COX10: variants seen among roughly 807,000 people sequenced by gnomAD.
COX10 encodes the protein cytochrome c oxidase assembly factor heme A:farnesyltransferase COX10, also known as protoheme IX farnesyltransferase, mitochondrial.
A neutral mutation model predicts 37.3 loss-of-function variants in COX10; 27 were observed. The ratio of observed to expected loss-of-function variants is 0.72; its 90% CI spans 0.53 to 1.00. COX10 has a LOEUF of 1.00. Among genes scored for constraint, COX10 ranks in the 50% least tolerant of loss-of-function variants. COX10 has a pLI of 0.00. For missense variants in COX10, 475 were observed against 563.2 expected (o/e 0.84, Z 1.59); for synonymous variants, 222 against 229.1 (o/e 0.97, Z 0.28).
chr17:14,138,866 G>T (rs144739484), intron 4 of COX10, among the ~76,000 whole-genome samples: 4 of 152,234 alleles, frequency 2.6e-5, no homozygotes, highest in East Asian at 3.9e-4. Context: ...TGTGCTGTGT[G>T]GGGTATTCGG....
intron 3 of COX10, among the ~76,000 whole-genome samples, chr17:14,081,238 A>G (rs1915286624): frequency 6.6e-6 from 1 of 152,220 alleles, no homozygotes; most frequent in Non-Finnish European, 1.5e-5. Flanking sequence ...AGCACAGACT[A>G]GTGAGAGCCA....
intron 5 of COX10, among the ~76,000 whole-genome samples, chr17:14,168,301 C>G (rs1420300433): frequency 1.3e-5 from 2 of 152,254 alleles, no homozygotes; most frequent in African/African-American, 4.8e-5. Flanking sequence ...GCTCCTGTGG[C>G]TCTGCAGGGT....
chr17:14,204,160 A>G (rs1224275527), intron 6 of COX10, among the ~76,000 whole-genome samples: 7 of 152,060 alleles, frequency 4.6e-5, no homozygotes, highest in South Asian at 2.1e-4. Context: ...AAGTGAACAT[A>G]CCCTAAGAAG....
At chr17:14,118,600 TAG>T (rs1433761830) in intron 4 of COX10, among the ~76,000 whole-genome samples, 2 of 152,164 alleles carry the variant, frequency 1.3e-5, no homozygotes, top group African/African-American at 4.8e-5. Flanking sequence ...TGGCTAACAT[TAG>T]ACAATGTTAA....
intron 5 of COX10, among the ~76,000 whole-genome samples, chr17:14,178,387 C>CT (rs1905751152): frequency 9.2e-6 from 1 of 108,222 alleles, no homozygotes; most frequent in Admixed American, 9.4e-5. Flanking sequence ...TTATGGTCTT[C>CT]CGTGCTGTAA....
intron 4 of COX10, among the ~76,000 whole-genome samples, chr17:14,103,006 A>C (rs895048990): frequency 2.0e-5 from 3 of 152,224 alleles, no homozygotes; most frequent in African/African-American, 7.2e-5. Flanking sequence ...CTAGTGTGCA[A>C]AATACGTGAA....
chr17:14,138,583 G>A (rs559994535), intron 4 of COX10, among the ~76,000 whole-genome samples: 1 of 152,188 alleles, frequency 6.6e-6, no homozygotes, highest in South Asian at 2.1e-4. Context: ...AGTAAACATA[G>A]ATTTCTGTGA....
At chr17:14,170,438 GTTAC>G (rs34050270) in intron 5 of COX10, among the ~76,000 whole-genome samples, 87,604 of 151,566 alleles carry the variant, frequency 0.58, 25,716 homozygotes, top group Non-Finnish European at 0.62. Flanking sequence ...GATGAAAAAT[GTTAC>G]TTAACTGACT....
intron 4 of COX10, among the ~76,000 whole-genome samples, chr17:14,109,462 G>A (rs532333567): frequency 1.1e-4 from 16 of 152,160 alleles, no homozygotes; most frequent in South Asian, 8.3e-4. Context: ...ATGATAATTC[G>A]AACGTATATT....
chr17:14,131,012 A>G (rs985652897), intron 4 of COX10, among the ~76,000 whole-genome samples: 30 of 152,170 alleles, frequency 2.0e-4, no homozygotes, highest in African/African-American at 7.0e-4. Context: ...CTAGTTCACC[A>G]CTATTCCTAG....
At chr17:14,075,981 G>A (rs1414486413) in intron 2 of COX10, among the ~76,000 whole-genome samples, 3 of 104,766 alleles carry the variant, frequency 2.9e-5, no homozygotes, top group Admixed American at 2.3e-4. Context: ...AACAGAGCGA[G>A]GCTCCATCTC....
chr17:14,204,335 A>G (rs1328776827), intron 6 of COX10, among the ~76,000 whole-genome samples: 3 of 151,792 alleles, frequency 2.0e-5, no homozygotes, highest in Non-Finnish European at 4.4e-5. Flanking sequence ...TCTCAGACTG[A>G]ACACACCCAA....
In COX10 at chr17:14,088,583, A is replaced by T. The variant is rs534906360; in HGVS notation, c.499+11527A>T. 6.1e-4 allele frequency among the ~76,000 whole-genome samples: 93 copies of T among 152,336 alleles called. 1 individual carries two copies. Among genetic ancestry groups the T allele is most frequent in the African/African-American group, 2.1e-3 (87 of 41,584 alleles). ...TATGGTAGATGCCAGGGGAAGGTAA[A>T]GATAAATTTTGTAAGAATGATAATC... On this transcript the variant is annotated intron_variant, in intron 3 of 6. Transcript: ENST00000261643.
At chr17:14,118,163 AT>A (rs765521765) in intron 4 of COX10, among the ~76,000 whole-genome samples, 3 of 151,878 alleles carry the variant, frequency 2.0e-5, no homozygotes, top group Non-Finnish European at 4.4e-5. Flanking sequence ...TGGGCACAGG[AT>A]AGGTGGGCAT....
chr17:14,078,342 C>CT, intron 3 of COX10, among the ~76,000 whole-genome samples: 1 of 152,204 alleles, frequency 6.6e-6, no homozygotes. Flanking sequence ...GATGTGGCCT[C>CT]TGTCAACAGC....
intron 6 of COX10, among the ~76,000 whole-genome samples, chr17:14,201,526 G>C (rs1906541491): frequency 6.6e-6 from 1 of 152,132 alleles, no homozygotes. Context: ...ACTGAAAAAA[G>C]TGTATTGAGC....
chr17:14,085,487 C>T (rs1169459373), intron 3 of COX10, among the ~76,000 whole-genome samples: 1 of 151,978 alleles, frequency 6.6e-6, no homozygotes, highest in African/African-American at 2.4e-5. Context: ...TCTCTTACTT[C>T]TTGCTATTAA....
At chr17:14,161,685 G>C (rs1165497762) in intron 5 of COX10, among the ~76,000 whole-genome samples, 1 of 152,220 alleles carries the variant, frequency 6.6e-6, no homozygotes, top group Non-Finnish European at 1.5e-5. Context: ...TCTAAGAGCT[G>C]AGACAGACTT....
intron 5 of COX10, among the ~76,000 whole-genome samples, chr17:14,183,546 C>A (rs1264920377): frequency 6.6e-6 from 1 of 152,144 alleles, no homozygotes; most frequent in African/African-American, 2.4e-5. Flanking sequence ...TGCAAGAGCA[C>A]CAACGTTTAA....
Sources: gnomAD v4.1 joint callset for allele counts (sites outside exome capture counted in the v4.1 genomes callset) on GRCh38, gnomAD v4.1.1 for gene constraint, MANE v1.5 for transcripts, NCBI Gene and HGNC (gene_info 2026-07-23, HGNC 2026-07-21) for gene names.